The following COL25A1 variants were observed in gnomAD, a reference collection of about 807,000 sequenced individuals.
COL25A1 encodes collagen type XXV alpha 1 chain, also known as collagen alpha-1(XXV) chain.
In COL25A1, 103 loss-of-function variants were observed where a neutral mutation model predicts 128.4. The ratio of observed to expected loss-of-function variants is 0.80; its 90% CI spans 0.68 to 0.94. The LOEUF (loss-of-function observed/expected upper bound fraction) is 0.94, where lower values mean the gene tolerates loss of function less well. Among genes scored for constraint, COL25A1 ranks in the 40% least tolerant of loss-of-function variants. The pLI, the probability that COL25A1 is intolerant of heterozygous loss-of-function variation, is 0.00. For synonymous variants in COL25A1, 279 were observed against 277.2 expected, an observed-to-expected ratio of 1.01 and a Z score of -0.06; for missense variants, 745 against 840.0, an observed-to-expected ratio of 0.89 and a Z score of 1.40.
intron 5 of COL25A1, 28 bp from the exon 6 acceptor site, chr4:109,010,403 AT>A: frequency 6.5e-7 from 1 of 1,528,664 alleles, no homozygotes; most frequent in Non-Finnish European, 8.8e-7. Flanking sequence ...AAGAAAAACA[AT>A]TACAAAATTG....
chr4:109,111,172 G>C (rs972142043), intron 3 of COL25A1, among the ~76,000 whole-genome samples: 3 of 152,030 alleles, frequency 2.0e-5, no homozygotes, highest in African/African-American at 7.2e-5. Flanking sequence ...TGGTGTTTTC[G>C]CAATGACTGT....
At chr4:109,189,547 C>CA (rs33989375) in intron 3 of COL25A1, among the ~76,000 whole-genome samples, 6,967 of 51,958 alleles carry the variant, frequency 0.13, 615 homozygotes, top group African/African-American at 0.21. Context: ...GACTCCATCT[C>CA]AAAAAAAAAA....
chr4:109,223,403 C>A (rs891976201), intron 3 of COL25A1, among the ~76,000 whole-genome samples: 41 of 152,030 alleles, frequency 2.7e-4, no homozygotes, highest in African/African-American at 9.9e-4. Flanking sequence ...ACATTTCCCC[C>A]CCCCAAAAAA....
At position 109,137,984 on chromosome 4, in the gene COL25A1, A is replaced by ATATG. The variant is rs547874075; in HGVS notation, c.368-87806_368-87805insCATA. 6.0e-4 allele frequency among the ~76,000 whole-genome samples: 85 copies of ATATG among 142,590 alleles called. No homozygotes were observed. The East Asian group carries it at 9.9e-3, about 17-fold the overall frequency. 93.5% of individuals were successfully genotyped at this position (142,590 alleles called of 152,430 possible). ...AACAGAAATTTCATTTTATATATAT[A>ATATG]TGTGTGTGTGTGTGTGTGTGTGTGT... On this transcript the variant is annotated intron_variant, in intron 3 of 37. Coordinates refer to ENST00000399132, the MANE Select transcript of COL25A1 (RefSeq NM_198721.4).
chr4:109,061,208 A>G (rs1325848318), intron 3 of COL25A1, among the ~76,000 whole-genome samples: 1 of 152,194 alleles, frequency 6.6e-6, no homozygotes. Context: ...TCTAGAAGAC[A>G]TAATAGAGGA....
intron 3 of COL25A1, among the ~76,000 whole-genome samples, chr4:109,163,174 C>T (rs144958091): frequency 1.3e-5 from 2 of 152,234 alleles, no homozygotes; most frequent in African/African-American, 4.8e-5. Context: ...CTGACTCAGG[C>T]CATGTTTTCT....
At chr4:108,835,844 G>A (rs1327604475) in intron 31 of COL25A1, among the ~76,000 whole-genome samples, 1 of 130,736 alleles carries the variant, frequency 7.6e-6, no homozygotes, top group Non-Finnish European at 1.6e-5. Flanking sequence ...GAGCCACAGT[G>A]CCCGGCTTAC....
chr4:109,126,459 A>G (rs1408749841), intron 3 of COL25A1, among the ~76,000 whole-genome samples: 1 of 152,190 alleles, frequency 6.6e-6, no homozygotes, highest in Non-Finnish European at 1.5e-5. Flanking sequence ...CCATATCACC[A>G]TGTCACATAC....
chr4:108,877,664 TA>T (rs888604785), intron 19 of COL25A1, among the ~76,000 whole-genome samples: 34 of 137,972 alleles, frequency 2.5e-4, no homozygotes, highest in East Asian at 2.1e-4. Flanking sequence ...AACTAACAAA[TA>T]AAAAAAAAAA....
chr4:109,104,588 C>T (rs1158869390), intron 3 of COL25A1, among the ~76,000 whole-genome samples: 4 of 139,626 alleles, frequency 2.9e-5, no homozygotes, highest in Non-Finnish European at 6.0e-5. Flanking sequence ...GACTAAGCCT[C>T]TAACTCTTAA....
chr4:109,116,244 G>A (rs540341704), intron 3 of COL25A1, among the ~76,000 whole-genome samples: 112 of 152,132 alleles, frequency 7.4e-4, no homozygotes, highest in Non-Finnish European at 3.4e-4. Flanking sequence ...GACAGTGAAT[G>A]TCATGCTTTC....
chr4:109,200,809 G>A (rs1037179796), intron 3 of COL25A1, among the ~76,000 whole-genome samples: 1 of 152,026 alleles, frequency 6.6e-6, no homozygotes, highest in Admixed American at 6.6e-5. Flanking sequence ...CTATGTGTAA[G>A]TATGCCTCAA....
intron 11 of COL25A1, among the ~76,000 whole-genome samples, chr4:108,925,578 T>C (rs942104555): frequency 6.6e-5 from 10 of 152,208 alleles, no homozygotes; most frequent in African/African-American, 2.4e-4. Context: ...TGTATGGCCT[T>C]GTAGGTGCTT....
intron 6 of COL25A1, among the ~76,000 whole-genome samples, chr4:108,996,440 C>T (rs1222086129): frequency 6.6e-6 from 1 of 152,090 alleles, no homozygotes; most frequent in Non-Finnish European, 1.5e-5. Flanking sequence ...AACATATATG[C>T]ACCCAATAGA....
At chr4:108,972,061 T>C (rs1387169691) in intron 8 of COL25A1, among the ~76,000 whole-genome samples, 1 of 152,182 alleles carries the variant, frequency 6.6e-6, no homozygotes, top group African/African-American at 2.4e-5. Flanking sequence ...ACTGGACACT[T>C]GGGGAGTCAA....
intron 3 of COL25A1, among the ~76,000 whole-genome samples, chr4:109,059,387 A>G (rs1761738102): frequency 6.6e-6 from 1 of 152,214 alleles, no homozygotes; most frequent in African/African-American, 2.4e-5. Flanking sequence ...TATTAAACAC[A>G]CTATAGGTCA....
intron 5 of COL25A1, among the ~76,000 whole-genome samples, chr4:109,026,133 C>CACACACACACAT (rs1326553428): frequency 1.3e-5 from 2 of 151,344 alleles, no homozygotes; most frequent in African/African-American, 4.9e-5. Context: ...CACACACACA[C>CACACACACACAT]ACATATACTC....
chr4:108,858,024 G>A (rs11098006), intron 24 of COL25A1, among the ~76,000 whole-genome samples: 121,386 of 151,996 alleles, frequency 0.8, 49,127 homozygotes, highest in South Asian at 0.89. Flanking sequence ...AAGAAAGGAA[G>A]GAAGAATGGG....
chr4:109,019,981 TGCATG>T (rs1757575871), intron 5 of COL25A1, among the ~76,000 whole-genome samples: 2 of 152,368 alleles, frequency 1.3e-5, no homozygotes, highest in South Asian at 4.1e-4. Context: ...CTGTAAGTAC[TGCATG>T]GAGGTTTAAA....
Sources: allele counts gnomAD v4.1 joint callset (sites outside exome capture counted in the v4.1 genomes callset), GRCh38; gene constraint gnomAD v4.1.1; transcripts MANE v1.5; gene names NCBI Gene and HGNC (gene_info 2026-07-23, HGNC 2026-07-21).